Variants in TENM4 observed in about 807,000 individuals in gnomAD.
TENM4 encodes teneurin transmembrane protein 4.
Under a neutral mutation model 243.3 loss-of-function variants are expected in TENM4, and 82 were observed. That is an observed-to-expected ratio of 0.34 (90% CI 0.28 to 0.40). The LOEUF is 0.40. Among genes scored for constraint, TENM4 ranks in the 10% least tolerant of loss-of-function variants. TENM4 has a pLI of 1.00. For synonymous variants in TENM4, 1,412 were observed against 1,456.3 expected (o/e 0.97, Z 0.69); for missense variants, 3,138 against 3,673.3 (o/e 0.85, Z 3.77).
chr11:79,268,079 A>C (rs59632311), intron 2 of TENM4, among the ~76,000 whole-genome samples: 23 of 152,380 alleles, frequency 1.5e-4, no homozygotes, highest in African/African-American at 5.5e-4. Flanking sequence ...CAAGAGGGAA[A>C]GACAAATTGC....
chr11:79,032,844 T>G (rs543489379), intron 6 of TENM4, among the ~76,000 whole-genome samples: 1 of 152,218 alleles, frequency 6.6e-6, no homozygotes, highest in Non-Finnish European at 1.5e-5. Flanking sequence ...TAGGGACTGA[T>G]ATTTTTTTCC....
At chr11:79,372,073 G>A (rs1038909145) in intron 1 of TENM4, among the ~76,000 whole-genome samples, 14 of 152,264 alleles carry the variant, frequency 9.2e-5, no homozygotes, top group Middle Eastern at 3.4e-3. Flanking sequence ...TATCCCCCTC[G>A]TGTATAGATG....
intron 6 of TENM4, among the ~76,000 whole-genome samples, chr11:78,999,912 A>G (rs867017915): frequency 3.3e-5 from 5 of 152,044 alleles, no homozygotes; most frequent in African/African-American, 9.7e-5. Flanking sequence ...TATATATCCA[A>G]GAAGCAAAAT....
chr11:79,112,945 T>A (rs185235387), intron 4 of TENM4, among the ~76,000 whole-genome samples: 18 of 152,236 alleles, frequency 1.2e-4, no homozygotes, highest in African/African-American at 3.6e-4. Flanking sequence ...AGATCAGTTC[T>A]CACTTCCATC....
intron 7 of TENM4, among the ~76,000 whole-genome samples, chr11:78,897,113 G>A (rs11237650): frequency 0.021 from 3,165 of 152,144 alleles, 114 homozygotes; most frequent in African/African-American, 0.073. Flanking sequence ...CCGGGCAGGG[G>A]GTGCCGACAT....
chr11:79,402,712 C>T (rs902487002), intron 1 of TENM4, among the ~76,000 whole-genome samples: 9 of 152,208 alleles, frequency 5.9e-5, no homozygotes, highest in African/African-American at 1.4e-4. Flanking sequence ...CCCTCTTCCC[C>T]AACCTCTGGG....
At chr11:79,128,693 A>G (rs528496250) in intron 4 of TENM4, among the ~76,000 whole-genome samples, 156 of 152,364 alleles carry the variant, frequency 1.0e-3, no homozygotes, top group African/African-American at 3.5e-3. Context: ...TCTGAAGGAC[A>G]GCAGTGAAGG....
chr11:79,362,809 G>A (rs757464772), intron 1 of TENM4, among the ~76,000 whole-genome samples: 2 of 152,218 alleles, frequency 1.3e-5, no homozygotes, highest in Non-Finnish European at 2.9e-5. Context: ...AGTGTTGGAG[G>A]ATTAAATGAA....
chr11:79,403,215 A>G (rs188323330), intron 1 of TENM4, among the ~76,000 whole-genome samples: 1 of 152,284 alleles, frequency 6.6e-6, no homozygotes, highest in East Asian at 1.9e-4. Context: ...CTACTAACCA[A>G]CGATTCTCCC....
At chr11:78,909,836 C>G (rs1176798788) in intron 6 of TENM4, among the ~76,000 whole-genome samples, 2 of 152,236 alleles carry the variant, frequency 1.3e-5, no homozygotes, top group Non-Finnish European at 2.9e-5. Context: ...GGTAGAGACA[C>G]TGGGGCAGGC....
intron 29 of TENM4, among the ~76,000 whole-genome samples, chr11:78,677,275 G>A (rs1858503253): frequency 6.8e-6 from 1 of 147,880 alleles, no homozygotes. Flanking sequence ...TTGGAGACAG[G>A]GTCTTGTTCT....
At chr11:79,225,705 C>G (rs1460342976) in intron 2 of TENM4, among the ~76,000 whole-genome samples, 1 of 152,150 alleles carries the variant, frequency 6.6e-6, no homozygotes, top group East Asian at 1.9e-4. Flanking sequence ...TCTCGAACTC[C>G]TGAGCTCAAG....
chr11:79,250,277 A>T (rs958704352), intron 2 of TENM4, among the ~76,000 whole-genome samples: 4 of 152,216 alleles, frequency 2.6e-5, no homozygotes, highest in African/African-American at 9.6e-5. Flanking sequence ...GTGAGCCACC[A>T]CGCCTGGCCG....
At chr11:79,374,721 C>A (rs1292485896) in intron 1 of TENM4, among the ~76,000 whole-genome samples, 9 of 151,976 alleles carry the variant, frequency 5.9e-5, no homozygotes, top group African/African-American at 1.7e-4. Context: ...TATTACTAAG[C>A]TTTACTCTTG....
intron 6 of TENM4, among the ~76,000 whole-genome samples, chr11:79,026,436 G>T (rs918028955): frequency 6.6e-6 from 1 of 152,138 alleles, no homozygotes; most frequent in Non-Finnish European, 1.5e-5. Context: ...TAACAAGAGC[G>T]CCATGGACAC....
intron 1 of TENM4, among the ~76,000 whole-genome samples, chr11:79,403,328 A>G (rs1306304423): frequency 4.6e-5 from 7 of 152,224 alleles, no homozygotes; most frequent in Non-Finnish European, 1.0e-4. Flanking sequence ...ATGAAACAAT[A>G]ATCAGTTACA....
rs374021994 is a variant in TENM4 at position 78,964,122 on chromosome 11, G to A, written c.494-60599C>T. Among the ~76,000 whole-genome samples, 42 of 146,548 alleles carry A rather than the reference G, an allele frequency of 2.9e-4. No individual in the cohort carries two copies. The South Asian group carries it at 5.0e-3, about 18-fold the overall frequency. On this transcript the variant is annotated intron_variant, in intron 6 of 33. Coordinates refer to ENST00000278550, the MANE Select transcript of TENM4 (RefSeq NM_001098816.3). ...CAGTGGTGTGATCTTGGCTCACTGC[G>A]TCGTCTGCCTTCCAGGTTCAAGCAA...
At chr11:79,290,273 T>C (rs181387831) in intron 2 of TENM4, among the ~76,000 whole-genome samples, 1 of 152,392 alleles carries the variant, frequency 6.6e-6, no homozygotes. Flanking sequence ...GGATGAAGAA[T>C]ATGTGCTAAT....
chr11:78,686,447 A>G (rs1387794475), intron 29 of TENM4, among the ~76,000 whole-genome samples: 3 of 150,964 alleles, frequency 2.0e-5, no homozygotes, highest in Admixed American at 6.6e-5. Context: ...AATTAACTGA[A>G]CCCAAAGAAG....
Sources: allele counts gnomAD v4.1 joint callset (sites outside exome capture counted in the v4.1 genomes callset), GRCh38; gene constraint gnomAD v4.1.1; transcripts MANE v1.5; gene names NCBI Gene and HGNC (gene_info 2026-07-23, HGNC 2026-07-21).